C4orf51: variants seen among roughly 807,000 people sequenced by gnomAD.
C4orf51 encodes uncharacterized protein C4orf51.
C4orf51 carries 25 observed loss-of-function variants against 25.2 expected under a neutral mutation model. That is an observed-to-expected ratio of 0.99 (90% CI 0.72 to 1.39). C4orf51 has a LOEUF of 1.39. C4orf51 is among the 40% of genes most tolerant of loss of function. The pLI is 0.00. For missense variants in C4orf51, 252 were observed against 239.6 expected, an observed-to-expected ratio of 1.05 and a Z score of -0.34; for synonymous variants, 100 against 84.5, an observed-to-expected ratio of 1.18 and a Z score of -1.01.
the C4orf51 span, among the ~76,000 whole-genome samples, chr4:145,783,131 T>A: frequency 6.6e-6 from 1 of 152,218 alleles, no homozygotes; most frequent in Non-Finnish European, 1.5e-5. Context: ...GAAGCAGTAC[T>A]CAGTCAACAC....
the C4orf51 span, among the ~76,000 whole-genome samples, chr4:145,785,542 A>T: frequency 3.1e-3 from 473 of 152,284 alleles, 3 homozygotes; most frequent in African/African-American, 0.011. Flanking sequence ...AGAGTAACCC[A>T]CAACTGTTGC....
the C4orf51 span, among the ~76,000 whole-genome samples, chr4:145,782,668 G>A: frequency 2.0e-5 from 3 of 152,198 alleles, no homozygotes; most frequent in Admixed American, 6.5e-5. Context: ...TGATCTTTCC[G>A]AGGCACAAAT....
rs1320661500 is a variant in C4orf51 at position 145,693,040 on chromosome 4, A to G, written c.234-3519A>G. ...CTGTTTTTTTTTTTTTTTTTATTAA[A>G]TTTATTTTTTTATTGATAATTCTTG... On this transcript the variant is annotated intron_variant, in intron 1 of 5. Coordinates refer to ENST00000438731, the MANE Select transcript of C4orf51 (RefSeq NM_001080531.3). Among the ~76,000 whole-genome samples, 3 of 114,180 alleles carry G rather than the reference A, an allele frequency of 2.6e-5. No individual in the cohort carries two copies. In the East Asian group the frequency reaches 7.7e-4, roughly 29 times the overall value. 74.9% of individuals were successfully genotyped at this position (114,180 alleles called of 152,430 possible). A position where few individuals can be genotyped will look rare whatever the true frequency, so the allele number is the denominator to read the frequency against.
intron 1 of C4orf51, among the ~76,000 whole-genome samples, chr4:145,684,503 T>C (rs181816113): frequency 3.0e-4 from 46 of 151,908 alleles, no homozygotes; most frequent in African/African-American, 8.9e-4. Context: ...AAAAAAGATG[T>C]CCCACTACAA....
intron 2 of C4orf51, among the ~76,000 whole-genome samples, chr4:145,714,910 T>G (rs1396319137): frequency 6.6e-6 from 1 of 152,194 alleles, no homozygotes; most frequent in East Asian, 1.9e-4. Context: ...GAGGGAATTC[T>G]TAAGATTGAT....
chr4:145,724,654 GGA>G (rs2126757303), intron 2 of C4orf51, among the ~76,000 whole-genome samples: 1 of 152,260 alleles, frequency 6.6e-6, no homozygotes, highest in Admixed American at 6.5e-5. Flanking sequence ...GGCTGAGGTA[GGA>G]GGACTGCTTG....
At chr4:145,747,701 CCTT>C (rs1411526028) in intron 1 of C4orf51, among the ~76,000 whole-genome samples, 2 of 113,132 alleles carry the variant, frequency 1.8e-5, no homozygotes, top group Admixed American at 9.9e-5. Context: ...TTCCTTCCTT[CCTT>C]CTTTCCTTCC....
rs2126643156 is a variant in C4orf51, at chr4:145,680,349, C to T, written c.146C>T (p.Thr49Ile). ...TCAGATTCTTCCGTGACAACATACA[C>T]AGGCAGTTACCGGAAAAAACAACTG... ...RWSDSSVTTYTGSYRKKQLDK... is the reference protein window; with the variant it reads ...RWSDSSVTTYIGSYRKKQLDK... The change falls in exon 1 of 6, where the codon ACA becomes ATA. Residue 49 changes from threonine to isoleucine, a missense_variant. Thr to Ile is a moderately conservative substitution (Grantham distance 89). Coordinates refer to ENST00000438731, the MANE Select transcript of C4orf51 (RefSeq NM_001080531.3). The T allele has an allele frequency of 6.2e-7, 1 of 1,613,970 alleles. No individual in the cohort carries two copies. The highest frequency in any genetic ancestry group is 8.5e-7 in the Non-Finnish European group (1 of 1,179,864).
intron 2 of C4orf51, among the ~76,000 whole-genome samples, chr4:145,711,657 T>C (rs1291382003): frequency 6.6e-6 from 1 of 152,200 alleles, no homozygotes; most frequent in Non-Finnish European, 1.5e-5. Context: ...ATGATCTGCT[T>C]TGAGTACACA....
At chr4:145,739,542 C>G (rs780454985) in intron 1 of C4orf51, among the ~76,000 whole-genome samples, 1 of 152,152 alleles carries the variant, frequency 6.6e-6, no homozygotes, top group Non-Finnish European at 1.5e-5. Flanking sequence ...TTTTCACTCT[C>G]TTCTTGAAAC....
the C4orf51 span, among the ~76,000 whole-genome samples, chr4:145,791,002 T>C: frequency 6.6e-6 from 1 of 152,246 alleles, no homozygotes; most frequent in African/African-American, 2.4e-5. Flanking sequence ...TGTTTTTATA[T>C]GATGGGAGTT....
chr4:145,694,387 CCA>C, intron 1 of C4orf51, among the ~76,000 whole-genome samples: 2 of 146,154 alleles, frequency 1.4e-5, no homozygotes, highest in African/African-American at 2.5e-5. Context: ...GGTCAGCCCT[CCA>C]CCCGGCCAGC....
rs1579060647 is a variant in C4orf51 at position 145,761,180 on chromosome 4, C to T, written n.167-9808C>T. 3 of 1,289,738 alleles carry T rather than the reference C, an allele frequency of 2.3e-6. No individual in the cohort carries two copies. The highest frequency in any genetic ancestry group is 3.0e-6 in the Non-Finnish European group (3 of 988,892). The allele number at this position is 1,289,738 out of a possible 1,614,324, so 79.9% of individuals were successfully genotyped here. ...GGACACAGGCCCTTCTTGTCCTCCTCGGGGCAGTCCCCACTCTGGTGCTTC... is the reference window on the plus strand; with the variant it reads ...GGACACAGGCCCTTCTTGTCCTCCTTGGGGCAGTCCCCACTCTGGTGCTTC... On this transcript the variant is annotated intron_variant and non_coding_transcript_variant, in intron 1 of 1. Transcript: ENST00000510096. The surrounding 1 kb of genome is among the most constrained non-coding windows in gnomAD (Gnocchi z 6.8).
the C4orf51 span, among the ~76,000 whole-genome samples, chr4:145,777,017 T>C: frequency 6.6e-6 from 1 of 152,196 alleles, no homozygotes; most frequent in East Asian, 1.9e-4. Flanking sequence ...ACAACTCCAG[T>C]GTTCTATCCT....
intron 1 of C4orf51, among the ~76,000 whole-genome samples, chr4:145,741,206 G>A (rs573792680): frequency 4.6e-5 from 7 of 152,134 alleles, no homozygotes; most frequent in South Asian, 2.1e-4. Context: ...CTCTCTGGCC[G>A]TATCCATCAT....
chr4:145,684,847 G>A (rs1423120045), intron 1 of C4orf51, among the ~76,000 whole-genome samples: 1 of 152,118 alleles, frequency 6.6e-6, no homozygotes, highest in Non-Finnish European at 1.5e-5. Flanking sequence ...TGGTCAGAAG[G>A]CAGGAAGTAC....
At chr4:145,744,624 A>G (rs1733266993) in intron 1 of C4orf51, among the ~76,000 whole-genome samples, 1 of 152,100 alleles carries the variant, frequency 6.6e-6, no homozygotes, top group African/African-American at 2.4e-5. Flanking sequence ...GATCGAGACC[A>G]TCCTGGCTAA....
rs547075220 is a variant in C4orf51 at position 145,729,297 on chromosome 4, A to ATTTTTTTTTT, written c.427+83_427+92dup. On this transcript the variant is annotated intron_variant, in intron 4 of 5. Transcript: ENST00000438731. ...CCTTTATTTTAATCGTGGTCATGTG[A>ATTTTTTTTTT]TTTTTTTTTTTTTTTTTTTTTTTTG... The ATTTTTTTTTT allele has an allele frequency of 6.7e-4, 196 of 292,816 alleles. 7 individuals carry two copies. The highest frequency in any genetic ancestry group is 2.3e-3 in the Middle Eastern group (2 of 870). 18.1% of individuals were successfully genotyped at this position (292,816 alleles called of 1,614,324 possible). A position where few individuals can be genotyped will look rare whatever the true frequency, so the allele number is the denominator to read the frequency against.
intron 1 of C4orf51, among the ~76,000 whole-genome samples, chr4:145,694,379 T>A (rs1387581800): frequency 1.6e-5 from 2 of 126,996 alleles, no homozygotes; most frequent in Non-Finnish European, 3.4e-5. Context: ...GGTGGGGGGG[T>A]CAGCCCTCCA....
Sources: allele counts gnomAD v4.1 joint callset (sites outside exome capture counted in the v4.1 genomes callset), GRCh38; gene constraint gnomAD v4.1.1; non-coding constraint Gnocchi (gnomAD v3.1); transcripts MANE v1.5; gene names NCBI Gene and HGNC (gene_info 2026-07-23, HGNC 2026-07-21).